Variants in PARD3 observed in about 807,000 individuals in gnomAD.
The protein encoded by PARD3 is par-3 family cell polarity regulator.
Under a neutral mutation model 155.4 loss-of-function variants are expected in PARD3, and 75 were observed. That is an observed-to-expected ratio of 0.48 (90% CI 0.40 to 0.58). PARD3 has a LOEUF of 0.58. Ranked by LOEUF, PARD3 falls within the 20% of genes least tolerant of loss-of-function variation. The probability of loss-of-function intolerance (pLI) is 0.00; values close to 1 mark genes in which losing one functional copy is unlikely to be tolerated. For missense variants in PARD3, 1,642 were observed against 1,721.7 expected, an observed-to-expected ratio of 0.95 and a Z score of 0.82; for synonymous variants, 576 against 610.5, an observed-to-expected ratio of 0.94 and a Z score of 0.83.
intron 2 of PARD3, among the ~76,000 whole-genome samples, chr10:34,586,917 CCAG>C (rs2088117776): frequency 6.6e-6 from 1 of 152,122 alleles, no homozygotes; most frequent in Non-Finnish European, 1.5e-5. Flanking sequence ...CCATTGCACT[CCAG>C]CCTGGGCAAC....
chr10:34,721,224 A>G (rs2094602279), intron 1 of PARD3, among the ~76,000 whole-genome samples: 1 of 152,252 alleles, frequency 6.6e-6, no homozygotes, highest in Non-Finnish European at 1.5e-5. Context: ...ACCAACAGCA[A>G]CCAAAAGAAA....
At chr10:34,307,432 C>A (rs994501728) in intron 20 of PARD3, among the ~76,000 whole-genome samples, 3 of 152,122 alleles carry the variant, frequency 2.0e-5, no homozygotes, top group South Asian at 2.1e-4. Context: ...TGCTGCCTCT[C>A]GACCTGAAAT....
intron 3 of PARD3, among the ~76,000 whole-genome samples, chr10:34,479,674 T>G (rs1419972721): frequency 2.0e-5 from 3 of 152,128 alleles, no homozygotes; most frequent in Admixed American, 6.5e-5. Context: ...TGCACCACAG[T>G]AGACAACTGC....
intron 1 of PARD3, among the ~76,000 whole-genome samples, chr10:34,777,952 G>T (rs1236456007): frequency 2.6e-5 from 4 of 152,168 alleles, no homozygotes; most frequent in Admixed American, 6.5e-5. Flanking sequence ...GAAAGAGACT[G>T]CTGCCAAGTT....
intron 3 of PARD3, among the ~76,000 whole-genome samples, chr10:34,493,838 T>G (rs977943282): frequency 2.8e-4 from 43 of 152,268 alleles, no homozygotes; most frequent in African/African-American, 9.6e-4. Context: ...CGAATTATTT[T>G]ACTATATTTT....
intron 2 of PARD3, among the ~76,000 whole-genome samples, chr10:34,659,898 T>C (rs1564472018): frequency 6.6e-6 from 1 of 152,216 alleles, no homozygotes; most frequent in African/African-American, 2.4e-5. Context: ...CTTCCGCGCA[T>C]GCATTTTCTT....
intron 3 of PARD3, among the ~76,000 whole-genome samples, chr10:34,480,871 G>A (rs1054404647): frequency 4.8e-5 from 7 of 145,428 alleles, no homozygotes; most frequent in African/African-American, 7.7e-5. Context: ...GCGCGATATC[G>A]GCTCACTGCA....
intron 22 of PARD3, among the ~76,000 whole-genome samples, chr10:34,144,235 A>G (rs929896426): frequency 2.0e-5 from 3 of 152,190 alleles, no homozygotes; most frequent in Non-Finnish European, 4.4e-5. Context: ...TGCATAGTTT[A>G]TATTTTAAAA....
intron 22 of PARD3, among the ~76,000 whole-genome samples, chr10:34,239,345 A>G (rs1005541348): frequency 1.3e-5 from 2 of 152,232 alleles, no homozygotes; most frequent in African/African-American, 2.4e-5. Flanking sequence ...AGCCTGGTGG[A>G]CATCAGTACC....
intron 2 of PARD3, among the ~76,000 whole-genome samples, chr10:34,599,009 C>T (rs924495218): frequency 2.6e-5 from 4 of 152,120 alleles, no homozygotes; most frequent in Non-Finnish European, 4.4e-5. Context: ...AGGAATATCC[C>T]TGCGCCTTCC....
At chr10:34,751,229 A>T (rs1335469557) in intron 1 of PARD3, among the ~76,000 whole-genome samples, 1 of 151,748 alleles carries the variant, frequency 6.6e-6, no homozygotes, top group Non-Finnish European at 1.5e-5. Context: ...AAAAAAAAAT[A>T]GCCTCGTATT....
intron 22 of PARD3, among the ~76,000 whole-genome samples, chr10:34,236,683 C>A (rs17462441): frequency 0.027 from 4,075 of 152,232 alleles, 93 homozygotes; most frequent in Non-Finnish European, 0.039. Flanking sequence ...AAAACGTTAA[C>A]AGATGTCCAA....
At chr10:34,168,716 A>C (rs946559519) in intron 22 of PARD3, among the ~76,000 whole-genome samples, 4 of 152,220 alleles carry the variant, frequency 2.6e-5, no homozygotes, top group African/African-American at 9.6e-5. Flanking sequence ...ATCTGTGCTC[A>C]TAAAACATGA....
At chr10:34,670,898 A>G (rs904407948) in intron 2 of PARD3, among the ~76,000 whole-genome samples, 2 of 152,214 alleles carry the variant, frequency 1.3e-5, no homozygotes, top group Non-Finnish European at 2.9e-5. Context: ...AACCTCCCAG[A>G]AAAGACAAGA....
chr10:34,199,890 G>A (rs986364363), intron 22 of PARD3, among the ~76,000 whole-genome samples: 8 of 151,834 alleles, frequency 5.3e-5, no homozygotes, highest in African/African-American at 1.9e-4. Context: ...ACAACTGCCC[G>A]ACCCCAAAAA....
intron 5 of PARD3, among the ~76,000 whole-genome samples, chr10:34,439,589 T>C (rs538530736): frequency 4.1e-4 from 63 of 152,212 alleles, no homozygotes; most frequent in African/African-American, 1.4e-3. Flanking sequence ...ATCTGAGTAG[T>C]TGGGATTACT....
chr10:34,309,763 C>G (rs1957606850), intron 20 of PARD3, among the ~76,000 whole-genome samples: 1 of 125,110 alleles, frequency 8.0e-6, no homozygotes, highest in Non-Finnish European at 1.6e-5. Flanking sequence ...CCCCCGCCCC[C>G]CCAAGAAGAA....
intron 22 of PARD3, among the ~76,000 whole-genome samples, chr10:34,153,412 A>G (rs186087145): frequency 2.0e-5 from 3 of 152,220 alleles, no homozygotes; most frequent in African/African-American, 7.2e-5. Flanking sequence ...CACGTATAAT[A>G]AACTTTTAGT....
intron 7 of PARD3, among the ~76,000 whole-genome samples, chr10:34,398,210 G>A (rs1158559285): frequency 1.3e-5 from 2 of 152,106 alleles, no homozygotes; most frequent in African/African-American, 2.4e-5. Context: ...CATGAACCAT[G>A]AGAGATGAAA....
Sources: gnomAD v4.1 joint callset for allele counts (sites outside exome capture counted in the v4.1 genomes callset) on GRCh38, gnomAD v4.1.1 for gene constraint, MANE v1.5 for transcripts, NCBI Gene and HGNC (gene_info 2026-07-23, HGNC 2026-07-21) for gene names.